ASPSCR1: variants seen among roughly 807,000 people sequenced by gnomAD.
ASPSCR1 encodes ASPSCR1 tether for SLC2A4, UBX domain containing, also known as tether containing UBX domain for GLUT4.
ASPSCR1 carries 55 observed loss-of-function variants against 68.9 expected under a neutral mutation model. The observed-to-expected ratio is 0.80, with a 90% CI of 0.64 to 1.00. The LOEUF is 1.00. Among genes scored for constraint, ASPSCR1 ranks in the 50% least tolerant of loss-of-function variants. ASPSCR1 has a pLI of 0.00. For missense variants in ASPSCR1, 765 were observed against 762.2 expected, an observed-to-expected ratio of 1.00 and a Z score of -0.04; for synonymous variants, 352 against 332.6, an observed-to-expected ratio of 1.06 and a Z score of -0.63.
At chr17:82,002,251 C>A (rs1567978926) in intron 7 of ASPSCR1, among the ~76,000 whole-genome samples, 1 of 150,964 alleles carries the variant, frequency 6.6e-6, no homozygotes, top group African/African-American at 2.4e-5. Context: ...TTTTCATTTT[C>A]ATTTTATTTT....
At chr17:81,996,375 G>T (rs369202822) in intron 6 of ASPSCR1, 45 bp from the exon 7 acceptor site, 5 of 1,534,994 alleles carry the variant, frequency 3.3e-6, no homozygotes, top group Non-Finnish European at 3.5e-6. Flanking sequence ...GTGAGCCGGG[G>T]GTAGGCACCA....
chr17:81,995,512 C>T, intron 5 of ASPSCR1: 1 of 272,026 alleles, frequency 3.7e-6, no homozygotes. Context: ...TTGACTGTGC[C>T]CTCGCTAGAG....
chr17:82,015,449 G>C lies in ASPSCR1; in HGVS notation c.1354-1027G>C, dbSNP rs2043090353. 6 of 1,447,900 alleles carry C rather than the reference G, an allele frequency of 4.1e-6. No individual in the cohort carries two copies. The South Asian group carries it at 5.4e-5, about 13-fold the overall frequency. The allele number at this position is 1,447,900 out of a possible 1,614,324, so 89.7% of individuals were successfully genotyped here. A position where few individuals can be genotyped will look rare whatever the true frequency, so the allele number is the denominator to read the frequency against. The stretch of plus-strand genomic sequence containing the variant: ...GCTGCCAAGCCTACTTCCCTCTCCT[G>C]GTGTTCCCGAGTCCTGCCCGCCCCT... On this transcript the variant is annotated intron_variant, in intron 12 of 15. Coordinates refer to ENST00000306739, the MANE Select transcript of ASPSCR1 (RefSeq NM_024083.4).
Position 82,017,112 on chromosome 17 carries a change from G to A in ASPSCR1, c.1647G>A (p.Pro549=), listed in dbSNP as rs780426058. Reference sequence around the variant, plus strand: ...AGGTGCCCAAGTGGCTGAAGCTGCCGGGTACTGCGGCTGGGTGGAAGGTGG... The same window carrying A: ...AGGTGCCCAAGTGGCTGAAGCTGCCAGGTACTGCGGCTGGGTGGAAGGTGG... The part of the protein sequence containing the change: ...LGKVPKWLKL[P]ASKR Residue 549 remains proline, a splice_region_variant and synonymous_variant, in exon 15 of 16, where the codon CCG becomes CCA. Coordinates refer to ENST00000306739, the MANE Select transcript of ASPSCR1 (RefSeq NM_024083.4). 6.3e-6 allele frequency: 10 copies of A among 1,589,902 alleles called. No individual in the cohort carries two copies. The highest frequency in any genetic ancestry group is 2.7e-5 in the African/African-American group (2 of 74,628).
At chr17:82,015,821 C>T (rs574066438) in intron 12 of ASPSCR1, 11 of 195,464 alleles carry the variant, frequency 5.6e-5, no homozygotes, top group African/African-American at 1.6e-4. Context: ...CAGGGCCACT[C>T]GGGCAGCCCC....
rs1028488617 is a variant in ASPSCR1 at position 81,990,302 on chromosome 17, G to T, written c.375-4519G>T. Among the ~76,000 whole-genome samples, 26 of 152,182 alleles carry T rather than the reference G, an allele frequency of 1.7e-4. No homozygotes were observed. Among genetic ancestry groups the T allele is most frequent in the Non-Finnish European group, 3.5e-4 (24 of 68,028 alleles). ...TGGGCCGGGTCCTCGTGGACTGGGC[G>T]CTCTCCACTCTGCTTCTCAGGCTCT... On this transcript the variant is annotated intron_variant, in intron 4 of 15. Transcript: ENST00000306739. This position sits in a 1 kb window ranked among gnomAD's most constrained non-coding sequence, Gnocchi z 4.1.
At chr17:81,985,127 TG>T (rs1388502177) in intron 3 of ASPSCR1, among the ~76,000 whole-genome samples, 3 of 133,760 alleles carry the variant, frequency 2.2e-5, no homozygotes, top group Non-Finnish European at 4.7e-5. Flanking sequence ...CATGTAAACA[TG>T]CACACACACG....
chr17:81,980,065 C>T (rs377065294), intron 2 of ASPSCR1, among the ~76,000 whole-genome samples: 4 of 152,220 alleles, frequency 2.6e-5, no homozygotes, highest in Admixed American at 6.5e-5. Flanking sequence ...TCACTGCAAC[C>T]TCCACCTCCT....
intron 2 of ASPSCR1, among the ~76,000 whole-genome samples, chr17:81,979,622 G>A (rs888659115): frequency 7.2e-5 from 11 of 152,238 alleles, no homozygotes; most frequent in African/African-American, 2.4e-4. Context: ...CTAGTAAGAT[G>A]TTCAGAGGTC....
chr17:82,010,494 A>G (rs1192033973), intron 9 of ASPSCR1, among the ~76,000 whole-genome samples: 1 of 143,424 alleles, frequency 7.0e-6, no homozygotes, highest in Non-Finnish European at 1.5e-5. Flanking sequence ...ATGCCACTGC[A>G]CTCCAGCCTG....
At chr17:81,998,441 T>C (rs1173012037) in intron 7 of ASPSCR1, among the ~76,000 whole-genome samples, 1 of 152,212 alleles carries the variant, frequency 6.6e-6, no homozygotes, top group Non-Finnish European at 1.5e-5. Flanking sequence ...AATGGGCCTC[T>C]GGTGCTTTTG....
chr17:81,993,774 A>G (rs1335828607), intron 4 of ASPSCR1, among the ~76,000 whole-genome samples: 1 of 152,190 alleles, frequency 6.6e-6, no homozygotes, highest in East Asian at 1.9e-4. Flanking sequence ...CCTAATCTTT[A>G]TCCCCTGTGT....
In ASPSCR1 at chr17:81,987,712, T is replaced by C. The variant is rs1045247125; in HGVS notation, c.374+2105T>C. ...AAACAACAGGCTTGGCCAGGCGTGG[T>C]GGTTCTGGAAGTGGCTTTGGAGCTG... On this transcript the variant is annotated intron_variant, in intron 4 of 15. Coordinates refer to ENST00000306739, the MANE Select transcript of ASPSCR1 (RefSeq NM_024083.4). This position sits in a 1 kb window ranked among gnomAD's most constrained non-coding sequence, Gnocchi z 5.6. Among the ~76,000 whole-genome samples, 13 of 151,994 alleles carry C rather than the reference T, an allele frequency of 8.6e-5. No individual in the cohort carries two copies. Among genetic ancestry groups the C allele is most frequent in the African/African-American group, 3.1e-4 (13 of 41,350 alleles).
rs887387569 is a variant in ASPSCR1, at chr17:81,987,755, G to A, written c.374+2148G>A. Among the ~76,000 whole-genome samples the A allele has an allele frequency of 6.6e-6, 1 of 152,066 alleles. No homozygotes were observed. The highest frequency in any genetic ancestry group is 1.5e-5 in the Non-Finnish European group (1 of 67,992). ...TGGAGCTGGCTTTGGTGGTGGCTGTGGGGGTGGGTTTGGGCGCTTTGGAGG... is the reference window on the plus strand; with the variant it reads ...TGGAGCTGGCTTTGGTGGTGGCTGTAGGGGTGGGTTTGGGCGCTTTGGAGG... On this transcript the variant is annotated intron_variant, in intron 4 of 15. Transcript: ENST00000306739. This position sits in a 1 kb window ranked among gnomAD's most constrained non-coding sequence, Gnocchi z 5.6.
At chr17:81,985,461 G>T in intron 3 of ASPSCR1, 46 bp from the exon 4 acceptor site, 2 of 1,577,116 alleles carry the variant, frequency 1.3e-6, no homozygotes, top group Non-Finnish European at 8.7e-7. Context: ...AGAAGGAATA[G>T]TTGCTTTTCT....
At chr17:82,005,310 T>C (rs1433620864) in intron 7 of ASPSCR1, 1 of 152,106 alleles carries the variant, frequency 6.6e-6, no homozygotes, top group Non-Finnish European at 1.5e-5. Context: ...GGGTTTGGTC[T>C]CGGAGGCCTG....
Position 81,986,776 on chromosome 17 carries a change from G to T in ASPSCR1, c.374+1169G>T, listed in dbSNP as rs533690671. On this transcript the variant is annotated intron_variant, in intron 4 of 15. Coordinates refer to ENST00000306739, the MANE Select transcript of ASPSCR1 (RefSeq NM_024083.4). This position sits in a 1 kb window ranked among gnomAD's most constrained non-coding sequence, Gnocchi z 5.2. ...CTGGGAAGGTGACTGTGCGTTGGGC[G>T]CGCTTGGTGGCCCCAGGGCTGGGCC... Among the ~76,000 whole-genome samples the T allele has an allele frequency of 6.6e-6, 1 of 152,246 alleles. No individual in the cohort carries two copies. The highest frequency in any genetic ancestry group is 1.5e-5 in the Non-Finnish European group (1 of 68,042).
intron 9 of ASPSCR1, chr17:82,010,086 T>A: frequency 3.6e-6 from 1 of 274,834 alleles, no homozygotes; most frequent in Non-Finnish European, 7.1e-6. Flanking sequence ...TAATTTTTGT[T>A]GTTTTTTTTT....
At chr17:82,010,306 G>A (rs546052217) in intron 9 of ASPSCR1, among the ~76,000 whole-genome samples, 2 of 151,150 alleles carry the variant, frequency 1.3e-5, no homozygotes, top group East Asian at 4.0e-4. Flanking sequence ...AAGGTGGGCG[G>A]ATCATGAGGT....
Sources: gnomAD v4.1 joint callset for allele counts (sites outside exome capture counted in the v4.1 genomes callset) on GRCh38, gnomAD v4.1.1 for gene constraint, Gnocchi (gnomAD v3.1) non-coding constraint, MANE v1.5 for transcripts, NCBI Gene and HGNC (gene_info 2026-07-23, HGNC 2026-07-21) for gene names.